The following PDE3B variants were observed in gnomAD, a reference collection of about 807,000 sequenced individuals.
The protein encoded by PDE3B is phosphodiesterase 3B, also known as cGMP-inhibited 3',5'-cyclic phosphodiesterase 3B.
Under a neutral mutation model 116.8 loss-of-function variants are expected in PDE3B, and 66 were observed. That is an observed-to-expected ratio of 0.56 (90% CI 0.46 to 0.69). The LOEUF (loss-of-function observed/expected upper bound fraction) is 0.69. PDE3B is among the 30% of genes least tolerant of loss of function. The pLI is 0.00. For missense variants in PDE3B, 1,384 were observed against 1,368.1 expected (o/e 1.01, Z -0.18); for synonymous variants, 595 against 533.6 (o/e 1.12, Z -1.59).
At chr11:14,762,489 A>AGTT (rs1857389776) in intron 1 of PDE3B, among the ~76,000 whole-genome samples, 1 of 152,176 alleles carries the variant, frequency 6.6e-6, no homozygotes, top group Non-Finnish European at 1.5e-5. Context: ...AAATAAACCA[A>AGTT]CTTAGCTGGA....
intron 1 of PDE3B, among the ~76,000 whole-genome samples, chr11:14,664,084 A>G (rs1854036559): frequency 6.6e-6 from 1 of 152,380 alleles, no homozygotes; most frequent in South Asian, 2.1e-4. Context: ...CCACAGTGCA[A>G]TCAAACTAGA....
intron 5 of PDE3B, among the ~76,000 whole-genome samples, chr11:14,807,891 A>C (rs1215415228): frequency 6.6e-6 from 1 of 151,898 alleles, no homozygotes; most frequent in Non-Finnish European, 1.5e-5. Context: ...TACAAAATTC[A>C]AAAATACAAA....
At chr11:14,841,975 A>C (rs559035839) in intron 11 of PDE3B, among the ~76,000 whole-genome samples, 3 of 145,102 alleles carry the variant, frequency 2.1e-5, no homozygotes, top group Non-Finnish European at 4.6e-5. Context: ...CTATTTCTCT[A>C]AAAATGTCAT....
At chr11:14,658,973 A>G (rs1044556014) in intron 1 of PDE3B, among the ~76,000 whole-genome samples, 1 of 152,164 alleles carries the variant, frequency 6.6e-6, no homozygotes, top group Non-Finnish European at 1.5e-5. Flanking sequence ...ACTTCGCAGG[A>G]CATTTTTTTC....
chr11:14,751,877 T>G (rs1590114942), intron 1 of PDE3B, among the ~76,000 whole-genome samples: 1 of 152,290 alleles, frequency 6.6e-6, no homozygotes, highest in East Asian at 1.9e-4. Context: ...CACCCATATT[T>G]CCAGGCTGCC....
intron 7 of PDE3B, among the ~76,000 whole-genome samples, chr11:14,829,456 A>T (rs57766735): frequency 0.025 from 3,846 of 152,282 alleles, 94 homozygotes; most frequent in African/African-American, 0.048. Context: ...ATAAATGATT[A>T]TCATAGTTTT....
chr11:14,816,014 A>C (rs1466795596), intron 5 of PDE3B, among the ~76,000 whole-genome samples: 1 of 152,124 alleles, frequency 6.6e-6, no homozygotes, highest in Non-Finnish European at 1.5e-5. Flanking sequence ...ATTGGCTCAC[A>C]CAACTGTGTG....
chr11:14,793,687 A>G (rs10832302), intron 4 of PDE3B, among the ~76,000 whole-genome samples: 18,565 of 152,190 alleles, frequency 0.12, 1,456 homozygotes, highest in African/African-American at 0.23. Context: ...GTTGTGTTCA[A>G]TTACCCTGTG....
At chr11:14,856,853 C>CAAA (rs1247235011) in intron 12 of PDE3B, among the ~76,000 whole-genome samples, 1 of 91,676 alleles carries the variant, frequency 1.1e-5, no homozygotes, top group Non-Finnish European at 2.4e-5. Context: ...GAGTCCATCT[C>CAAA]AAAAAAAAAA....
chr11:14,710,489 G>A (rs546827628), intron 1 of PDE3B, among the ~76,000 whole-genome samples: 3 of 152,170 alleles, frequency 2.0e-5, no homozygotes, highest in African/African-American at 7.2e-5. Context: ...CGTCTGAGTG[G>A]GCATGTGACC....
chr11:14,656,003 G>A (rs1853707601), intron 1 of PDE3B, among the ~76,000 whole-genome samples: 3 of 152,178 alleles, frequency 2.0e-5, no homozygotes, highest in Admixed American at 6.5e-5. Flanking sequence ...TTAGTTTAGA[G>A]AGATTATTGA....
At chr11:14,742,579 A>T (rs1050904239) in intron 1 of PDE3B, among the ~76,000 whole-genome samples, 1 of 152,076 alleles carries the variant, frequency 6.6e-6, no homozygotes, top group Non-Finnish European at 1.5e-5. Flanking sequence ...TCTGAAGCCT[A>T]CTTCTGTCTG....
intron 1 of PDE3B, among the ~76,000 whole-genome samples, chr11:14,659,416 A>T (rs1292134102): frequency 6.6e-6 from 1 of 152,268 alleles, no homozygotes; most frequent in Admixed American, 6.5e-5. Context: ...CATTTTTAAC[A>T]TAAATTTACT....
At chr11:14,806,709 A>T (rs1026644855) in intron 5 of PDE3B, among the ~76,000 whole-genome samples, 1 of 150,728 alleles carries the variant, frequency 6.6e-6, no homozygotes. Context: ...AATACAAAAA[A>T]TTAGCCGGGC....
intron 5 of PDE3B, among the ~76,000 whole-genome samples, chr11:14,813,505 C>T (rs930930233): frequency 2.6e-5 from 4 of 152,096 alleles, no homozygotes; most frequent in African/African-American, 4.8e-5. Flanking sequence ...AGGACTTAGC[C>T]GTGTGTGACT....
chr11:14,739,813 G>T (rs1254103617), intron 1 of PDE3B, among the ~76,000 whole-genome samples: 1 of 152,158 alleles, frequency 6.6e-6, no homozygotes, highest in East Asian at 1.9e-4. Flanking sequence ...TTAGCATGAA[G>T]GGGTGTTGAA....
intron 1 of PDE3B, among the ~76,000 whole-genome samples, chr11:14,653,768 G>C (rs1021400129): frequency 6.6e-6 from 1 of 152,162 alleles, no homozygotes; most frequent in Non-Finnish European, 1.5e-5. Context: ...GGAGGCCGAG[G>C]TGGGTGGATG....
At chr11:14,847,849 G>A (rs1847645794) in intron 12 of PDE3B, among the ~76,000 whole-genome samples, 1 of 152,058 alleles carries the variant, frequency 6.6e-6, no homozygotes, top group African/African-American at 2.4e-5. Flanking sequence ...ATAATCAATA[G>A]CTTACCAACC....
At chr11:14,859,370 TA>T in intron 13 of PDE3B, 124 bp downstream of exon 13, 1 of 582,192 alleles carries the variant, frequency 1.7e-6, no homozygotes, top group Non-Finnish European at 2.9e-6. Flanking sequence ...ATAGTTGATA[TA>T]AAATAATATA....
Sources: gnomAD v4.1 joint callset for allele counts (sites outside exome capture counted in the v4.1 genomes callset) on GRCh38, gnomAD v4.1.1 for gene constraint, MANE v1.5 for transcripts, NCBI Gene and HGNC (gene_info 2026-07-23, HGNC 2026-07-21) for gene names.